Variants in STK3 observed in about 807,000 individuals in gnomAD.
STK3 encodes the protein serine/threonine kinase 3, also known as serine/threonine-protein kinase 3.
STK3 carries 41 observed loss-of-function variants against 58.0 expected under a neutral mutation model. The ratio of observed to expected loss-of-function variants is 0.71; its 90% CI spans 0.55 to 0.92. The LOEUF (loss-of-function observed/expected upper bound fraction) is 0.92, where lower values mean the gene tolerates loss of function less well. Ranked by LOEUF, STK3 falls within the 40% of genes least tolerant of loss-of-function variation. The pLI is 0.00. For synonymous variants in STK3, 170 were observed against 191.0 expected (o/e 0.89, Z 0.91); for missense variants, 479 against 602.7 (o/e 0.79, Z 2.15).
chr8:98,717,766 T>C (rs1827125520), intron 4 of STK3, among the ~76,000 whole-genome samples: 1 of 152,190 alleles, frequency 6.6e-6, no homozygotes. Flanking sequence ...AGTAGCATTA[T>C]TCACAATGGC....
At chr8:98,565,405 A>G (rs1370579864) in intron 8 of STK3, among the ~76,000 whole-genome samples, 1 of 152,148 alleles carries the variant, frequency 6.6e-6, no homozygotes, top group East Asian at 1.9e-4. Context: ...GAGGTAATAA[A>G]GCATATAAAC....
the STK3 span, among the ~76,000 whole-genome samples, chr8:98,354,656 T>TA: frequency 1.3e-5 from 2 of 152,118 alleles, no homozygotes; most frequent in African/African-American, 4.8e-5. Flanking sequence ...TCCAATCTGG[T>TA]AAAATAGGCA....
chr8:98,665,453 G>A (rs1227599720), intron 6 of STK3, among the ~76,000 whole-genome samples: 1 of 152,174 alleles, frequency 6.6e-6, no homozygotes, highest in Non-Finnish European at 1.5e-5. Flanking sequence ...CTGGAGTGCA[G>A]TGGCACAATC....
chr8:98,765,936 T>C (rs1024091732), intron 3 of STK3, among the ~76,000 whole-genome samples: 5 of 152,250 alleles, frequency 3.3e-5, no homozygotes, highest in Admixed American at 6.5e-5. Context: ...CATTTAACTA[T>C]CCAACCTCAT....
intron 3 of STK3, among the ~76,000 whole-genome samples, chr8:98,409,191 G>A (rs887585091): frequency 1.3e-5 from 2 of 152,212 alleles, no homozygotes; most frequent in African/African-American, 2.4e-5. Flanking sequence ...GAGGAGAGGT[G>A]CCATGTCTTG....
chr8:98,821,719 G>A (rs1834916429), intron 1 of STK3, among the ~76,000 whole-genome samples: 1 of 151,542 alleles, frequency 6.6e-6, no homozygotes, highest in African/African-American at 2.4e-5. Flanking sequence ...TCAGTGACAA[G>A]TATGTTAACG....
rs1036233375 is a variant in STK3 at position 98,851,552 on chromosome 8, A to G, written c.110+32095T>C. On this transcript the variant is annotated intron_variant, in intron 3 of 12. Transcript: ENST00000523601. ...TGAAACTGCATTTTTGTCAAAAACTATCTTCCTCAACTACACGGAAAAATC... is the reference window on the plus strand; with the variant it reads ...TGAAACTGCATTTTTGTCAAAAACTGTCTTCCTCAACTACACGGAAAAATC... Among the ~76,000 whole-genome samples the G allele has an allele frequency of 2.6e-5, 4 of 152,336 alleles. No individual in the cohort carries two copies. The South Asian group carries it at 6.2e-4, about 24-fold the overall frequency.
At chr8:98,893,082 C>G (rs1838257101) in intron 1 of STK3, among the ~76,000 whole-genome samples, 1 of 152,010 alleles carries the variant, frequency 6.6e-6, no homozygotes, top group Admixed American at 6.6e-5. Flanking sequence ...GATAGGGGTC[C>G]TTTCTAGATA....
intron 1 of STK3, among the ~76,000 whole-genome samples, chr8:98,780,515 T>C (rs899687841): frequency 1.6e-4 from 24 of 152,312 alleles, no homozygotes; most frequent in African/African-American, 5.5e-4. Context: ...TTCGAGATTA[T>C]AAACATTTTC....
chr8:98,421,870 A>G (rs552572576), intron 3 of STK3, among the ~76,000 whole-genome samples: 14 of 152,254 alleles, frequency 9.2e-5, no homozygotes, highest in African/African-American at 3.1e-4. Flanking sequence ...AGCAGTGCCT[A>G]GTGGGGCTGG....
intron 6 of STK3, chr8:98,598,572 C>A (rs1816027262): frequency 1.0e-6 from 1 of 985,164 alleles, no homozygotes; most frequent in Non-Finnish European, 1.2e-6. Context: ...TAATAATGAA[C>A]CACAGAGGAT....
intron 3 of STK3, among the ~76,000 whole-genome samples, chr8:98,831,570 T>A (rs1835536138): frequency 6.6e-6 from 1 of 152,224 alleles, no homozygotes; most frequent in South Asian, 2.1e-4. Context: ...TTTTTATATT[T>A]GTTGGAAAAA....
At chr8:98,925,111 C>A (rs992095313) in intron 1 of STK3, among the ~76,000 whole-genome samples, 1 of 152,154 alleles carries the variant, frequency 6.6e-6, no homozygotes, top group Admixed American at 6.5e-5. Context: ...TCAGATTGAC[C>A]AGACAGAGTG....
intron 3 of STK3, among the ~76,000 whole-genome samples, chr8:98,847,974 A>G (rs867994487): frequency 2.5e-4 from 38 of 152,284 alleles, no homozygotes; most frequent in Middle Eastern, 6.8e-3. Context: ...ACAGAGCTAT[A>G]TGTCATTCCC....
the STK3 span, among the ~76,000 whole-genome samples, chr8:98,359,533 A>AAAAG: frequency 0.017 from 2,380 of 142,250 alleles, 42 homozygotes; most frequent in Middle Eastern, 0.059. Context: ...AAAAAAAAAA[A>AAAAG]AAAGAAAGAA....
At chr8:98,739,317 T>C (rs550594015) in intron 4 of STK3, among the ~76,000 whole-genome samples, 7,778 of 152,032 alleles carry the variant, frequency 0.051, 214 homozygotes, top group African/African-American at 0.078. Flanking sequence ...CCCCTGACCC[T>C]GGAGCAGCCT....
At chr8:98,556,586 T>C (rs1165508845) in intron 8 of STK3, among the ~76,000 whole-genome samples, 1 of 151,692 alleles carries the variant, frequency 6.6e-6, no homozygotes, top group Admixed American at 6.6e-5. Context: ...AAGCAATGAG[T>C]AAGTTTGATT....
intron 7 of STK3, among the ~76,000 whole-genome samples, chr8:98,583,910 C>T (rs1814181303): frequency 6.6e-6 from 1 of 151,184 alleles, no homozygotes; most frequent in African/African-American, 2.4e-5. Flanking sequence ...GAGAAGGTAA[C>T]TTAGAGATTA....
chr8:98,676,531 T>A (rs933696331), intron 6 of STK3, among the ~76,000 whole-genome samples: 16 of 151,900 alleles, frequency 1.1e-4, no homozygotes, highest in African/African-American at 3.4e-4. Context: ...GAGAATCGCT[T>A]GAACCTGAGA....
Sources: allele counts gnomAD v4.1 joint callset (sites outside exome capture counted in the v4.1 genomes callset), GRCh38; gene constraint gnomAD v4.1.1; transcripts MANE v1.5; gene names NCBI Gene and HGNC (gene_info 2026-07-23, HGNC 2026-07-21).